The following CMC1 variants were observed in gnomAD, a reference collection of about 807,000 sequenced individuals.
CMC1 encodes COX assembly mitochondrial protein homolog.
A neutral mutation model predicts 14.1 loss-of-function variants in CMC1; 14 were observed. The observed-to-expected ratio is 0.99, with a 90% CI of 0.66 to 1.55. The LOEUF is 1.55. CMC1 is among the 40% of genes most tolerant of loss of function. The pLI, the probability that CMC1 is intolerant of heterozygous loss-of-function variation, is 0.00. For missense variants in CMC1, 127 were observed against 123.8 expected, an observed-to-expected ratio of 1.03 and a Z score of -0.12; for synonymous variants, 50 against 38.4, an observed-to-expected ratio of 1.30 and a Z score of -1.12.
At position 28,316,324 on chromosome 3, in the gene CMC1, T is replaced by C; in HGVS notation, c.110-9T>C. 6.7e-7 allele frequency: 1 copy of C among 1,502,092 alleles called. No individual in the cohort carries two copies. The allele number at this position is 1,502,092 out of a possible 1,614,324, so 93.0% of individuals were successfully genotyped here. On this transcript the variant is annotated splice_polypyrimidine_tract_variant and intron_variant, in intron 2 of 3. Transcript: ENST00000466830. ...TACAAGTAATTTTTTCCTTCCAAAT[T>C]TATTTCAGATTTTACCAAATGTTGC...
At chr3:28,258,481 G>A (rs113409630) in intron 1 of CMC1, among the ~76,000 whole-genome samples, 2,508 of 150,546 alleles carry the variant, frequency 0.017, 74 homozygotes, top group African/African-American at 0.057. Flanking sequence ...GGGGTCAAAG[G>A]GTTTAGCTTT....
intron 2 of CMC1, among the ~76,000 whole-genome samples, chr3:28,312,701 A>T (rs937086010): frequency 6.6e-6 from 1 of 152,310 alleles, no homozygotes; most frequent in East Asian, 1.9e-4. Flanking sequence ...CTGTACTATG[A>T]TATGACTACT....
At chr3:28,301,369 G>A (rs1226582385) in intron 2 of CMC1, among the ~76,000 whole-genome samples, 1 of 151,986 alleles carries the variant, frequency 6.6e-6, no homozygotes, top group African/African-American at 2.4e-5. Flanking sequence ...ACATGCGTGT[G>A]CCACCATACC....
In CMC1 at chr3:28,241,658, T is replaced by G; in HGVS notation, c.-136T>G. On this transcript the variant is annotated 5_prime_UTR_variant, in exon 1 of 4. Transcript: ENST00000466830. ...GAGGGAACGGGTCCTGGCGGTGCTT[T>G]GCAAAGGGCCCGTGTTTCTGTTGCG... The G allele has an allele frequency of 8.1e-7, 1 of 1,233,478 alleles. No homozygotes were observed. Among genetic ancestry groups the G allele is most frequent in the Non-Finnish European group, 1.0e-6 (1 of 987,790 alleles). The allele number at this position is 1,233,478 out of a possible 1,614,324, so 76.4% of individuals were successfully genotyped here.
intron 2 of CMC1, among the ~76,000 whole-genome samples, chr3:28,275,342 T>TTTTTTTTTTTTTTC (rs1700525348): frequency 1.2e-5 from 1 of 82,318 alleles, no homozygotes; most frequent in Non-Finnish European, 3.1e-5. Flanking sequence ...TTTTTTTTTC[T>TTTTTTTTTTTTTTC]TTTTTTTTTT....
rs533824483 is a variant in CMC1 at position 28,253,621 on chromosome 3, C to T, written c.20-9670C>T. 4.3e-5 allele frequency: 21 copies of T among 489,386 alleles called. No individual in the cohort carries two copies. The African/African-American group carries it at 4.5e-4, about 10-fold the overall frequency. 30.3% of individuals were successfully genotyped at this position (489,386 alleles called of 1,614,324 possible). A position where few individuals can be genotyped will look rare whatever the true frequency, so the allele number is the denominator to read the frequency against. ...AAACCAAAAAACCCCCCAAAAAACTCCCCCCAAAAAGCTAAACAAACAAAG... is the reference window on the plus strand; with the variant it reads ...AAACCAAAAAACCCCCCAAAAAACTTCCCCCAAAAAGCTAAACAAACAAAG... On this transcript the variant is annotated intron_variant, in intron 1 of 3. Coordinates refer to ENST00000466830, the MANE Select transcript of CMC1 (RefSeq NM_182523.2).
chr3:28,297,875 C>G (rs1246578771), intron 2 of CMC1, among the ~76,000 whole-genome samples: 3 of 151,730 alleles, frequency 2.0e-5, no homozygotes, highest in African/African-American at 7.3e-5. Context: ...TTGCACTGTT[C>G]ATGTATTTGT....
At chr3:28,283,279 T>C (rs1040051654) in intron 2 of CMC1, among the ~76,000 whole-genome samples, 2 of 151,950 alleles carry the variant, frequency 1.3e-5, no homozygotes, top group Admixed American at 6.6e-5. Flanking sequence ...TTTGGTGGGC[T>C]GGGGTAGGCA....
At chr3:28,262,885 T>A (rs1172486357) in intron 1 of CMC1, among the ~76,000 whole-genome samples, 2 of 152,164 alleles carry the variant, frequency 1.3e-5, no homozygotes, top group Non-Finnish European at 2.9e-5. Flanking sequence ...TACTACTAGG[T>A]AGAAAAACTA....
At chr3:28,293,281 A>G (rs1260851296) in intron 2 of CMC1, among the ~76,000 whole-genome samples, 2 of 150,418 alleles carry the variant, frequency 1.3e-5, no homozygotes, top group East Asian at 2.0e-4. Context: ...GAAGCTTTCC[A>G]TTTGATTAAG....
chr3:28,295,686 T>C (rs1701702700), intron 2 of CMC1, among the ~76,000 whole-genome samples: 1 of 152,176 alleles, frequency 6.6e-6, no homozygotes, highest in Non-Finnish European at 1.5e-5. Flanking sequence ...AAAACAGGCT[T>C]GGTACATAGA....
intron 2 of CMC1, among the ~76,000 whole-genome samples, chr3:28,272,728 G>T (rs1700359819): frequency 6.6e-6 from 1 of 151,370 alleles, no homozygotes; most frequent in African/African-American, 2.4e-5. Context: ...CTGTCACCCA[G>T]GCTGGAGTGT....
chr3:28,282,197 T>C (rs1158491737), intron 2 of CMC1, among the ~76,000 whole-genome samples: 1 of 152,220 alleles, frequency 6.6e-6, no homozygotes, highest in East Asian at 1.9e-4. Flanking sequence ...AGTTTACTTT[T>C]TAAATTTTGG....
intron 2 of CMC1, among the ~76,000 whole-genome samples, chr3:28,263,690 A>T (rs188649539): frequency 6.6e-6 from 1 of 152,132 alleles, no homozygotes; most frequent in Non-Finnish European, 1.5e-5. Context: ...TACGATTTTT[A>T]TAGGGGAGGA....
intron 2 of CMC1, among the ~76,000 whole-genome samples, chr3:28,308,995 T>TA (rs1702483353): frequency 3.7e-5 from 2 of 53,606 alleles, no homozygotes; most frequent in Non-Finnish European, 5.5e-5. Context: ...AAAAAATAAA[T>TA]AAATAAATAA....
intron 1 of CMC1, chr3:28,263,032 A>G (rs1218163638): frequency 5.8e-6 from 2 of 344,158 alleles, no homozygotes; most frequent in Non-Finnish European, 1.1e-5. Flanking sequence ...AATATGTTAT[A>G]AAGTAAAGAT....
chr3:28,283,597 G>C (rs1353882619), intron 2 of CMC1, among the ~76,000 whole-genome samples: 3 of 150,972 alleles, frequency 2.0e-5, no homozygotes, highest in Non-Finnish European at 4.4e-5. Flanking sequence ...ATTCTCTGCA[G>C]TAATATATTG....
chr3:28,319,173 C>T, intron 3 of CMC1: 1 of 446,644 alleles, frequency 2.2e-6, no homozygotes, highest in Non-Finnish European at 4.5e-6. Context: ...CCCATTTCTT[C>T]CTTGTTTCCA....
chr3:28,254,029 C>A lies in CMC1; in HGVS notation c.20-9262C>A, dbSNP rs796181783. Among the ~76,000 whole-genome samples the A allele has an allele frequency of 7.2e-5, 11 of 152,260 alleles. 1 individual carries two copies. The highest frequency in any genetic ancestry group is 2.6e-4 in the African/African-American group (11 of 41,548). The stretch of plus-strand genomic sequence containing the variant: ...AGCCCCAAAGCAAAATATGAGCTAA[C>A]AAATTCAGCCAGTGAAAAAGGTGAA... On this transcript the variant is annotated intron_variant, in intron 1 of 3. Coordinates refer to ENST00000466830, the MANE Select transcript of CMC1 (RefSeq NM_182523.2).
Sources: gnomAD v4.1 joint callset for allele counts (sites outside exome capture counted in the v4.1 genomes callset) on GRCh38, gnomAD v4.1.1 for gene constraint, MANE v1.5 for transcripts, NCBI Gene and HGNC (gene_info 2026-07-23, HGNC 2026-07-21) for gene names.